The following ATP8A2 variants were observed in gnomAD, a reference collection of about 807,000 sequenced individuals.
The protein encoded by ATP8A2 is phospholipid-transporting ATPase IB.
Under a neutral mutation model 165.6 loss-of-function variants are expected in ATP8A2, and 100 were observed. That is an observed-to-expected ratio of 0.60 (90% CI 0.51 to 0.71). The LOEUF is 0.71. Ranked by LOEUF, ATP8A2 falls within the 30% of genes least tolerant of loss-of-function variation. The pLI is 0.00. For missense variants in ATP8A2, 1,227 were observed against 1,479.5 expected (o/e 0.83, Z 2.80); for synonymous variants, 543 against 548.8 (o/e 0.99, Z 0.15).
Position 25,535,370 on chromosome 13 carries a change from G to A in ATP8A2, c.507+2057G>A, listed in dbSNP as rs1485354828. Among the ~76,000 whole-genome samples the A allele has an allele frequency of 2.6e-5, 4 of 152,144 alleles. No individual in the cohort carries two copies. The East Asian group carries it at 5.8e-4, about 22-fold the overall frequency. The stretch of plus-strand genomic sequence containing the variant: ...GATCTCAGTGGCTTTGATTGACTTC[G>A]AGAGGATCTTTCAGCTACTTCCTCA... On this transcript the variant is annotated intron_variant, in intron 6 of 36. Coordinates refer to ENST00000381655, the MANE Select transcript of ATP8A2 (RefSeq NM_016529.6).
At chr13:25,384,577 GTTGTT>G (rs2032972554) in intron 1 of ATP8A2, among the ~76,000 whole-genome samples, 1 of 152,002 alleles carries the variant, frequency 6.6e-6, no homozygotes, top group Admixed American at 6.6e-5. Flanking sequence ...TTTGTTTTGC[GTTGTT>G]TTGTTTTTAT....
intron 33 of ATP8A2, among the ~76,000 whole-genome samples, chr13:25,946,857 C>T (rs922190662): frequency 1.3e-5 from 2 of 152,136 alleles, no homozygotes; most frequent in African/African-American, 2.4e-5. Context: ...GAGCAATTCT[C>T]CTGCCTCAGC....
chr13:25,603,343 T>C (rs1325650239), intron 24 of ATP8A2, among the ~76,000 whole-genome samples: 37 of 151,260 alleles, frequency 2.4e-4, no homozygotes, highest in Admixed American at 2.4e-3. Context: ...CAAAAAAAAT[T>C]TAGCCAGTGT....
chr13:25,663,695 G>A (rs997150777), intron 24 of ATP8A2, among the ~76,000 whole-genome samples: 1 of 152,150 alleles, frequency 6.6e-6, no homozygotes, highest in Non-Finnish European at 1.5e-5. Context: ...CCTGATTACT[G>A]TCTGGCTATA....
At chr13:25,783,462 G>C (rs1331720069) in intron 27 of ATP8A2, among the ~76,000 whole-genome samples, 1 of 152,214 alleles carries the variant, frequency 6.6e-6, no homozygotes, top group Non-Finnish European at 1.5e-5. Flanking sequence ...ATGGGGACAA[G>C]AGGAACAGGA....
At chr13:25,847,200 C>T (rs965911600) in intron 30 of ATP8A2, among the ~76,000 whole-genome samples, 3 of 152,174 alleles carry the variant, frequency 2.0e-5, no homozygotes, top group South Asian at 2.1e-4. Context: ...ACAGAACATT[C>T]TGGGAGTCTT....
chr13:25,444,932 C>T (rs2138212059), intron 1 of ATP8A2, among the ~76,000 whole-genome samples: 1 of 152,278 alleles, frequency 6.6e-6, no homozygotes, highest in South Asian at 2.1e-4. Context: ...GCCACCACAC[C>T]CGGCCCCGAG....
At chr13:26,012,901 GGTTGAAGCAGTATGACTTTTAAACT>G (rs1956879832) in intron 36 of ATP8A2, among the ~76,000 whole-genome samples, 1 of 152,172 alleles carries the variant, frequency 6.6e-6, no homozygotes, top group Admixed American at 6.5e-5. Context: ...AGTTTTTTAA[GGTTGAAGCAGTATGACTTTTAAACT>G]GTTGCCCCTA....
intron 24 of ATP8A2, among the ~76,000 whole-genome samples, chr13:25,688,734 G>T (rs1225341260): frequency 6.6e-6 from 1 of 152,218 alleles, no homozygotes; most frequent in African/African-American, 2.4e-5. Context: ...GGTCCTGCTG[G>T]CAGGGCTTTC....
chr13:25,439,841 T>C (rs2034883156), intron 1 of ATP8A2, among the ~76,000 whole-genome samples: 1 of 151,516 alleles, frequency 6.6e-6, no homozygotes, highest in South Asian at 2.1e-4. Context: ...CAGGAGTTTG[T>C]GGTTATGGTA....
intron 27 of ATP8A2, among the ~76,000 whole-genome samples, chr13:25,813,062 G>T (rs1950917941): frequency 6.6e-6 from 1 of 152,060 alleles, no homozygotes; most frequent in Non-Finnish European, 1.5e-5. Flanking sequence ...TGGGGCCTGT[G>T]GGGGTTGGGG....
At chr13:25,898,979 G>T (rs1373011177) in intron 33 of ATP8A2, among the ~76,000 whole-genome samples, 1 of 152,294 alleles carries the variant, frequency 6.6e-6, no homozygotes, top group East Asian at 1.9e-4. Context: ...TGCGCTTCCC[G>T]GGTGAGGTTA....
At chr13:25,846,891 G>A (rs571180873) in intron 30 of ATP8A2, among the ~76,000 whole-genome samples, 1 of 152,312 alleles carries the variant, frequency 6.6e-6, no homozygotes, top group South Asian at 2.1e-4. Context: ...AGGAGAATGT[G>A]CTAATGCAGT....
intron 27 of ATP8A2, among the ~76,000 whole-genome samples, chr13:25,810,899 T>G (rs1355737924): frequency 6.6e-6 from 1 of 151,748 alleles, no homozygotes; most frequent in African/African-American, 2.4e-5. Flanking sequence ...AACTTTCCAG[T>G]TTTTTTTGGA....
intron 27 of ATP8A2, among the ~76,000 whole-genome samples, chr13:25,799,839 A>T (rs1343717643): frequency 1.3e-5 from 2 of 152,256 alleles, no homozygotes; most frequent in Non-Finnish European, 2.9e-5. Flanking sequence ...CTTTCAACCC[A>T]GGAGAGCAAA....
intron 1 of ATP8A2, among the ~76,000 whole-genome samples, chr13:25,386,857 C>A (rs1387231020): frequency 6.6e-6 from 1 of 151,526 alleles, no homozygotes; most frequent in Admixed American, 6.6e-5. Flanking sequence ...AGTAGCCGGG[C>A]GTGGTGGCGG....
intron 24 of ATP8A2, among the ~76,000 whole-genome samples, chr13:25,639,326 A>C (rs2041453027): frequency 6.6e-6 from 1 of 152,214 alleles, no homozygotes; most frequent in Non-Finnish European, 1.5e-5. Context: ...TTAAGAGTGA[A>C]GACCCATCAG....
At chr13:25,505,532 T>C (rs2037009355) in intron 2 of ATP8A2, among the ~76,000 whole-genome samples, 1 of 152,216 alleles carries the variant, frequency 6.6e-6, no homozygotes, top group Non-Finnish European at 1.5e-5. Flanking sequence ...CCTTCACTTT[T>C]TATCACATCC....
chr13:25,576,670 A>G (rs767146211), intron 19 of ATP8A2, among the ~76,000 whole-genome samples: 5 of 152,146 alleles, frequency 3.3e-5, no homozygotes, highest in Non-Finnish European at 5.9e-5. Context: ...TTCTGAGTTA[A>G]GTGGATCTAT....
Sources: allele counts gnomAD v4.1 joint callset (sites outside exome capture counted in the v4.1 genomes callset), GRCh38; gene constraint gnomAD v4.1.1; transcripts MANE v1.5; gene names NCBI Gene and HGNC (gene_info 2026-07-23, HGNC 2026-07-21).